The following PSRC1 variants were observed in gnomAD, a reference collection of about 807,000 sequenced individuals.
PSRC1 encodes the protein proline/serine-rich coiled-coil protein 1.
PSRC1 carries 30 observed loss-of-function variants against 31.9 expected under a neutral mutation model. The observed-to-expected ratio is 0.94, with a 90% confidence interval of 0.70 to 1.28. The LOEUF is 1.28. Ranked by LOEUF, PSRC1 falls within the 50% of genes most tolerant of loss-of-function variation. The pLI, the probability that PSRC1 is intolerant of heterozygous loss-of-function variation, is 0.00. For synonymous variants in PSRC1, 191 were observed against 192.1 expected (o/e 0.99, Z 0.05); for missense variants, 481 against 472.8 (o/e 1.02, Z -0.16).
chr1:109,280,646 T>C (rs1656911679), intron 5 of PSRC1, 131 bp downstream of exon 6: 8 of 962,166 alleles, frequency 8.3e-6, no homozygotes, highest in South Asian at 1.7e-5. Flanking sequence ...CCCCATATCC[T>C]CTCTGTAACT....
chr1:109,281,937 G>A (rs768712298), exon 4 of PSRC1: 6 of 1,586,066 alleles, frequency 3.8e-6, no homozygotes, highest in Admixed American at 3.5e-5. Flanking sequence ...GACTGAGGGG[G>A]CCTAGGCTGA....
chr1:109,282,682 T>C (rs1320050230), exon 2 of PSRC1: 1 of 1,556,256 alleles, frequency 6.4e-7, no homozygotes, highest in African/African-American at 1.4e-5. Flanking sequence ...TTCCTTACCT[T>C]CCTCCAAATC....
intron 6 of PSRC1, 47 bp downstream of exon 7, chr1:109,280,349 G>A (rs1557744933): frequency 6.6e-7 from 1 of 1,514,178 alleles, no homozygotes; most frequent in Non-Finnish European, 9.1e-7. Flanking sequence ...AATCCCAGAT[G>A]ATGGCGGGGT....
intron 4 of PSRC1, 137 bp from the exon 5 acceptor site, chr1:109,281,388 C>A: frequency 1.3e-6 from 1 of 790,608 alleles, no homozygotes. Context: ...CTAACATCAC[C>A]ACATCACCAT....
exon 5 of PSRC1, chr1:109,281,112 A>C: frequency 6.2e-7 from 1 of 1,613,454 alleles, no homozygotes; most frequent in Non-Finnish European, 8.5e-7. Context: ...ACTCACCCGC[A>C]ACTTGGCTGC....
rs1046105065 is a variant in PSRC1 at position 109,282,992 on chromosome 1, G to A, written c.-34+82C>T. 1.6e-5 allele frequency: 9 copies of A among 565,002 alleles called. No homozygotes were observed. In the Admixed American group the frequency reaches 2.5e-4, roughly 16 times the overall value. 35.0% of individuals were successfully genotyped at this position (565,002 alleles called of 1,614,324 possible). ...GCCTGCACGCCCCATCTTCCTCCCC[G>A]CCACTATCCTCAGGGTTCTGCACTC... On this transcript the variant is annotated intron_variant, in intron 1 of 6. Coordinates refer to ENST00000409138, the Ensembl canonical transcript of PSRC1.
At chr1:109,282,619 G>A in intron 2 of PSRC1, 44 bp from the exon 3 acceptor site, 1 of 1,608,272 alleles carries the variant, frequency 6.2e-7, no homozygotes, top group Non-Finnish European at 8.5e-7. Flanking sequence ...GGTCCCTGAT[G>A]CAGCTCTCCA....
chr1:109,282,231 G>T, intron 3 of PSRC1, 171 bp from the exon 4 acceptor site: 1 of 640,922 alleles, frequency 1.6e-6, no homozygotes. Context: ...TGGTTCTATG[G>T]GGCCTAATAG....
At chr1:109,281,797 C>T (rs763036707) in exon 4 of PSRC1, 9 of 1,614,116 alleles carry the variant, frequency 5.6e-6, no homozygotes, top group Admixed American at 5.0e-5. Context: ...AAAGGTCTCC[C>T]GCCGAGGACT....
chr1:109,280,627 T>C, intron 5 of PSRC1, 138 bp from the exon 7 acceptor site: 1 of 957,088 alleles, frequency 1.0e-6, no homozygotes, highest in Non-Finnish European at 1.6e-6. Context: ...AGACTCAGAC[T>C]CTGTCCAGCC....
At chr1:109,280,318 C>G (rs1340891459) in intron 6 of PSRC1, 78 bp downstream of exon 7, 2 of 1,444,076 alleles carry the variant, frequency 1.4e-6, no homozygotes, top group Non-Finnish European at 1.9e-6. Flanking sequence ...AAATTCAGGG[C>G]TGATGTGCAT....
At chr1:109,281,478 C>CT in intron 4 of PSRC1, 141 bp downstream of exon 4, 1 of 887,244 alleles carries the variant, frequency 1.1e-6, no homozygotes, top group Non-Finnish European at 1.7e-6. Flanking sequence ...TTTTGGTTCT[C>CT]TTTTTTCATG....
At chr1:109,280,651 G>T in intron 5 of PSRC1, 126 bp downstream of exon 6, 1 of 979,018 alleles carries the variant, frequency 1.0e-6, no homozygotes, top group Non-Finnish European at 1.5e-6. Flanking sequence ...TATCCTCTCT[G>T]TAACTCAGTC....
chr1:109,281,569 G>A (rs1657111969), intron 4 of PSRC1, 50 bp downstream of exon 4: 1 of 1,472,794 alleles, frequency 6.8e-7, no homozygotes, highest in Non-Finnish European at 9.4e-7. Flanking sequence ...CCTGCATCAT[G>A]GCACACACCA....
At chr1:109,280,293 C>A in intron 6 of PSRC1, 103 bp downstream of exon 7, 1 of 1,406,598 alleles carries the variant, frequency 7.1e-7, no homozygotes, top group Non-Finnish European at 1.0e-6. Context: ...CCTCCTCTCT[C>A]CATCTTTCCA....
At chr1:109,281,152 C>T in exon 5 of PSRC1, 1 of 1,613,526 alleles carries the variant, frequency 6.2e-7, no homozygotes, top group East Asian at 2.2e-5. Context: ...GCTGCTCTCC[C>T]ACTGGGCCCG....
chr1:109,282,229 T>C, intron 3 of PSRC1, 169 bp from the exon 4 acceptor site: 1 of 652,620 alleles, frequency 1.5e-6, no homozygotes, highest in South Asian at 2.1e-5. Context: ...CCTGGTTCTA[T>C]GGGGCCTAAT....
In PSRC1 at chr1:109,280,746, A is replaced by G. The variant is rs778494394; in HGVS notation, c.994+31T>C. 2.0e-6 allele frequency: 3 copies of G among 1,516,832 alleles called. No homozygotes were observed. In the Admixed American group the frequency reaches 5.8e-5, roughly 30 times the overall value. 94.0% of individuals were successfully genotyped at this position (1,516,832 alleles called of 1,614,324 possible). On this transcript the variant is annotated intron_variant, in intron 5 of 6. Coordinates refer to ENST00000409138, the Ensembl canonical transcript of PSRC1. The stretch of plus-strand genomic sequence containing the variant: ...TGGGAGGGTGAGGACACGCTGGGCA[A>G]GGGCGGGCATTCTTCCTCCTGACCT...
exon 5 of PSRC1, chr1:109,280,971 T>C: frequency 6.2e-7 from 1 of 1,609,152 alleles, no homozygotes; most frequent in African/African-American, 1.3e-5. Context: ...AGCTGCTCCC[T>C]GCGGCCGGGG....
Sources: gnomAD v4.1 joint callset for allele counts on GRCh38, gnomAD v4.1.1 for gene constraint, MANE v1.5 for transcripts, NCBI Gene and HGNC (gene_info 2026-07-23, HGNC 2026-07-21) for gene names.